The following BACH2 variants were observed in gnomAD, a reference collection of about 807,000 sequenced individuals.
BACH2 encodes transcription regulator protein BACH2.
A neutral mutation model predicts 61.8 loss-of-function variants in BACH2; 5 were observed. That is an observed-to-expected ratio of 0.08 (90% CI 0.04 to 0.17). BACH2 has a LOEUF of 0.17. BACH2 is among the 10% of genes least tolerant of loss of function. The pLI, the probability that BACH2 is intolerant of heterozygous loss-of-function variation, is 1.00. For synonymous variants in BACH2, 446 were observed against 440.1 expected (o/e 1.01, Z -0.17); for missense variants, 824 against 1,091.1 (o/e 0.76, Z 3.45).
At chr6:90,013,633 A>G (rs959095974) in intron 5 of BACH2, among the ~76,000 whole-genome samples, 29 of 151,406 alleles carry the variant, frequency 1.9e-4, no homozygotes, top group African/African-American at 6.1e-4. Context: ...CAGCCTCCCA[A>G]GTAGCTGGGA....
intron 5 of BACH2, among the ~76,000 whole-genome samples, chr6:90,067,436 C>T (rs983480222): frequency 6.6e-6 from 1 of 152,154 alleles, no homozygotes; most frequent in African/African-American, 2.4e-5. Flanking sequence ...GGGCCAGTGA[C>T]ACGATCAAAC....
intron 5 of BACH2, among the ~76,000 whole-genome samples, chr6:90,075,630 T>G (rs1781442338): frequency 6.6e-6 from 1 of 152,124 alleles, no homozygotes; most frequent in Non-Finnish European, 1.5e-5. Flanking sequence ...GATATTATTA[T>G]CGTAACTGCA....
intron 6 of BACH2, chr6:89,952,101 C>A: frequency 1.8e-6 from 1 of 559,532 alleles, no homozygotes; most frequent in Non-Finnish European, 3.2e-6. Context: ...TCACCAGGGT[C>A]AAGTGGCTAA....
chr6:89,991,539 C>T (rs1435510662), intron 6 of BACH2, among the ~76,000 whole-genome samples: 1 of 152,176 alleles, frequency 6.6e-6, no homozygotes, highest in Non-Finnish European at 1.5e-5. Context: ...AAATTGCAGA[C>T]ACCATGACAT....
intron 4 of BACH2, among the ~76,000 whole-genome samples, chr6:90,205,252 G>A (rs1769104850): frequency 6.6e-6 from 1 of 152,178 alleles, no homozygotes; most frequent in South Asian, 2.1e-4. Flanking sequence ...GAACAGGGCT[G>A]TCCAACTCTA....
intron 5 of BACH2, among the ~76,000 whole-genome samples, chr6:90,079,409 T>G (rs923037991): frequency 6.6e-6 from 1 of 152,194 alleles, no homozygotes; most frequent in Admixed American, 6.5e-5. Flanking sequence ...ATGGATGTTG[T>G]AAAACTGCAT....
intron 6 of BACH2, among the ~76,000 whole-genome samples, chr6:89,958,487 C>T (rs1774551231): frequency 6.6e-6 from 1 of 152,178 alleles, no homozygotes; most frequent in South Asian, 2.1e-4. Flanking sequence ...CAGTGCCTGC[C>T]TTATAGTAAA....
chr6:90,199,374 A>G (rs756929023), intron 4 of BACH2, among the ~76,000 whole-genome samples: 2 of 152,192 alleles, frequency 1.3e-5, no homozygotes, highest in Non-Finnish European at 2.9e-5. Context: ...TTAGGAAGCA[A>G]TCCTCTGGAA....
intron 6 of BACH2, among the ~76,000 whole-genome samples, chr6:89,973,749 G>A (rs1391446887): frequency 6.6e-6 from 1 of 151,872 alleles, no homozygotes; most frequent in Admixed American, 6.6e-5. Context: ...TTATTCTCTC[G>A]GTGTCTCAAA....
chr6:90,035,900 A>G (rs1208928815), intron 5 of BACH2, among the ~76,000 whole-genome samples: 1 of 151,846 alleles, frequency 6.6e-6, no homozygotes, highest in African/African-American at 2.4e-5. Context: ...TTTCCACTAT[A>G]TTTTATTAAA....
At position 89,951,104 on chromosome 6, in the gene BACH2, G is replaced by A. The variant is rs1029658356; in HGVS notation, c.1002C>T (p.Ser334=). The change falls in exon 7 of 9, where the codon AGC becomes AGT. Residue 334 remains serine (S), a synonymous_variant. Transcript: ENST00000257749. The surrounding 1 kb of genome is among the most constrained non-coding windows in gnomAD (Gnocchi z 6.4). The part of the protein sequence containing the change: ...AGAACLERSR[S]VASPSCLRSL... The stretch of plus-strand genomic sequence containing the variant: ...ACCTTAAGCAGGAGGGCGAGGCCAC[G>A]CTCCTGGATCTCTCCAGGCAGGCGG... 4.3e-6 allele frequency: 7 copies of A among 1,612,430 alleles called. No homozygotes were observed. The highest frequency in any genetic ancestry group is 4.0e-5 in the African/African-American group (3 of 74,978).
chr6:90,235,837 G>A (rs1770243848), intron 3 of BACH2, among the ~76,000 whole-genome samples: 1 of 152,232 alleles, frequency 6.6e-6, no homozygotes, highest in African/African-American at 2.4e-5. Flanking sequence ...TGTGGCCTGA[G>A]CAAATGACCC....
intron 4 of BACH2, among the ~76,000 whole-genome samples, chr6:90,185,789 T>TA (rs1318174297): frequency 6.6e-6 from 1 of 152,216 alleles, no homozygotes; most frequent in Non-Finnish European, 1.5e-5. Context: ...TCTTCTGTCT[T>TA]ACACTGTAAA....
chr6:90,289,789 A>T (rs567397828), intron 1 of BACH2, among the ~76,000 whole-genome samples: 4 of 152,288 alleles, frequency 2.6e-5, no homozygotes, highest in Admixed American at 2.6e-4. Context: ...GAGGATGGAG[A>T]CCCTCTGCTC....
chr6:90,000,059 A>T (rs929561827), intron 6 of BACH2, among the ~76,000 whole-genome samples: 6 of 152,222 alleles, frequency 3.9e-5, no homozygotes, highest in African/African-American at 1.4e-4. Context: ...CTCAGGATTT[A>T]AAAAATGTAA....
At chr6:90,099,717 T>G (rs1782533677) in intron 4 of BACH2, among the ~76,000 whole-genome samples, 1 of 152,238 alleles carries the variant, frequency 6.6e-6, no homozygotes, top group Admixed American at 6.5e-5. Context: ...CTGCTTTCTA[T>G]TAGGTGGCCA....
At chr6:89,984,861 A>C (rs1002195490) in intron 6 of BACH2, among the ~76,000 whole-genome samples, 46 of 152,372 alleles carry the variant, frequency 3.0e-4, no homozygotes, top group African/African-American at 8.9e-4. Context: ...CACACGAATC[A>C]TACTTTCTGC....
At chr6:90,144,871 C>CACTTCTCTTCCATTAACCA (rs1784567272) in intron 4 of BACH2, among the ~76,000 whole-genome samples, 2 of 152,178 alleles carry the variant, frequency 1.3e-5, no homozygotes, top group South Asian at 2.1e-4. Context: ...GATTGTAAAA[C>CACTTCTCTTCCATTAACCA]ACTTCTCTTC....
intron 3 of BACH2, among the ~76,000 whole-genome samples, chr6:90,244,068 T>C (rs746606631): frequency 6.6e-6 from 1 of 152,116 alleles, no homozygotes; most frequent in Non-Finnish European, 1.5e-5. Context: ...ATAACAGGCA[T>C]GTGCCACCAC....
Sources: allele counts gnomAD v4.1 joint callset (sites outside exome capture counted in the v4.1 genomes callset), GRCh38; gene constraint gnomAD v4.1.1; non-coding constraint Gnocchi (gnomAD v3.1); transcripts MANE v1.5; gene names NCBI Gene and HGNC (gene_info 2026-07-23, HGNC 2026-07-21).